Variants in C10orf90 observed in about 807,000 individuals in gnomAD.
The protein encoded by C10orf90 is chromosome 10 open reading frame 90, also known as (E2-independent) E3 ubiquitin-conjugating enzyme FATS.
C10orf90 carries 56 observed loss-of-function variants against 62.5 expected under a neutral mutation model. The observed-to-expected ratio is 0.90, with a 90% confidence interval of 0.72 to 1.12. The LOEUF (loss-of-function observed/expected upper bound fraction) is 1.12. C10orf90 is among the 50% of genes most tolerant of loss of function. The pLI is 0.00. For synonymous variants in C10orf90, 386 were observed against 340.4 expected (o/e 1.13, Z -1.47); for missense variants, 970 against 880.4 (o/e 1.10, Z -1.29).
At chr10:126,560,369 G>A (rs1419121753) in intron 2 of C10orf90, among the ~76,000 whole-genome samples, 2 of 152,116 alleles carry the variant, frequency 1.3e-5, no homozygotes, top group African/African-American at 4.8e-5. Flanking sequence ...CTGAAGGTTC[G>A]AGGCACGGTG....
chr10:126,599,505 A>G (rs1845154436), intron 2 of C10orf90, among the ~76,000 whole-genome samples: 1 of 151,864 alleles, frequency 6.6e-6, no homozygotes, highest in Non-Finnish European at 1.5e-5. Context: ...GATCAGCTCC[A>G]GGAGCCATTC....
intron 2 of C10orf90, among the ~76,000 whole-genome samples, chr10:126,565,392 A>G (rs1844353318): frequency 1.3e-5 from 1 of 76,648 alleles, no homozygotes; most frequent in African/African-American, 5.6e-5. Flanking sequence ...TATATTATAT[A>G]TATTATATTA....
intron 4 of C10orf90, among the ~76,000 whole-genome samples, chr10:126,481,602 G>C (rs1861163452): frequency 6.6e-6 from 1 of 152,192 alleles, no homozygotes; most frequent in African/African-American, 2.4e-5. Context: ...GTGTCAGGAG[G>C]TTGTTGGAAG....
chr10:126,644,514 G>A (rs529010418), intron 2 of C10orf90, among the ~76,000 whole-genome samples: 40 of 152,318 alleles, frequency 2.6e-4, no homozygotes, highest in Non-Finnish European at 4.9e-4. Flanking sequence ...GCCTTCAAGT[G>A]TTATTCCATA....
chr10:126,520,758 T>G (rs962780087), intron 2 of C10orf90: 1 of 152,630 alleles, frequency 6.6e-6, no homozygotes, highest in African/African-American at 2.4e-5. Context: ...GACCCTTCCT[T>G]GCCCTTCTCA....
At chr10:126,583,666 C>T (rs1844799047) in intron 2 of C10orf90, among the ~76,000 whole-genome samples, 2 of 152,172 alleles carry the variant, frequency 1.3e-5, no homozygotes, top group Admixed American at 1.3e-4. Flanking sequence ...GCTCTGCCCC[C>T]CACCTTGCCA....
chr10:126,527,008 T>C (rs977049770), intron 2 of C10orf90, among the ~76,000 whole-genome samples: 1 of 152,240 alleles, frequency 6.6e-6, no homozygotes, highest in East Asian at 1.9e-4. Flanking sequence ...GGGTTTATAA[T>C]ACTACTACTG....
At chr10:126,630,064 C>A (rs568479149) in intron 2 of C10orf90, among the ~76,000 whole-genome samples, 1 of 152,332 alleles carries the variant, frequency 6.6e-6, no homozygotes, top group East Asian at 1.9e-4. Context: ...ATAAAAATAG[C>A]GGCTGCCTGT....
At chr10:126,541,919 A>G (rs1300552039) in intron 2 of C10orf90, among the ~76,000 whole-genome samples, 2 of 152,238 alleles carry the variant, frequency 1.3e-5, no homozygotes, top group Non-Finnish European at 2.9e-5. Flanking sequence ...AGTGGAATCA[A>G]CCCAAATGTC....
chr10:126,625,797 C>T (rs1412486596), intron 2 of C10orf90, among the ~76,000 whole-genome samples: 6 of 152,146 alleles, frequency 3.9e-5, no homozygotes, highest in South Asian at 2.1e-4. Flanking sequence ...AGACCTTCCA[C>T]GAAATGTAGA....
At chr10:126,559,347 C>T (rs1312971546) in intron 2 of C10orf90, among the ~76,000 whole-genome samples, 1 of 152,194 alleles carries the variant, frequency 6.6e-6, no homozygotes, top group Non-Finnish European at 1.5e-5. Flanking sequence ...CTCCTTACAT[C>T]AGCGGGCCCC....
At chr10:126,641,528 G>C (rs1407050900) in intron 2 of C10orf90, among the ~76,000 whole-genome samples, 2 of 152,012 alleles carry the variant, frequency 1.3e-5, no homozygotes, top group Non-Finnish European at 2.9e-5. Context: ...AAAGTTCCAA[G>C]TGACCTTCAT....
intron 2 of C10orf90, among the ~76,000 whole-genome samples, chr10:126,556,892 G>T (rs962974067): frequency 1.3e-5 from 2 of 151,986 alleles, no homozygotes; most frequent in African/African-American, 4.8e-5. Context: ...AGCCTGAGAG[G>T]CAGGCAGTGC....
intron 5 of C10orf90, among the ~76,000 whole-genome samples, chr10:126,462,310 A>C (rs76586829): frequency 0.016 from 2,429 of 152,046 alleles, 72 homozygotes; most frequent in African/African-American, 0.056. Flanking sequence ...CCTTCCCCTC[A>C]ACACAGCACC....
intron 2 of C10orf90, among the ~76,000 whole-genome samples, chr10:126,595,867 G>A (rs1391349896): frequency 2.0e-5 from 3 of 151,992 alleles, no homozygotes; most frequent in African/African-American, 7.3e-5. Context: ...ACCTCTTCTT[G>A]GGTGTCTGTG....
At chr10:126,663,695 T>C (rs1286521674) in intron 1 of C10orf90, among the ~76,000 whole-genome samples, 1 of 152,166 alleles carries the variant, frequency 6.6e-6, no homozygotes, top group African/African-American at 2.4e-5. Flanking sequence ...CAGCTGGCTT[T>C]TTTGTGACTT....
intron 2 of C10orf90, among the ~76,000 whole-genome samples, chr10:126,560,920 C>T (rs1274681550): frequency 6.6e-6 from 1 of 152,210 alleles, no homozygotes. Flanking sequence ...AGAAAACATG[C>T]TTAGCTCAGA....
intron 7 of C10orf90, among the ~76,000 whole-genome samples, chr10:126,445,482 A>G (rs1193754292): frequency 6.6e-6 from 1 of 152,134 alleles, no homozygotes; most frequent in Non-Finnish European, 1.5e-5. Flanking sequence ...TTACTTCTGC[A>G]AGAATGGCCA....
At chr10:126,669,620 G>A (rs1846705053) in intron 1 of C10orf90, among the ~76,000 whole-genome samples, 1 of 151,832 alleles carries the variant, frequency 6.6e-6, no homozygotes, top group Non-Finnish European at 1.5e-5. Context: ...GCTGATACTA[G>A]TTGCAGAATA....
Sources: gnomAD v4.1 joint callset for allele counts (sites outside exome capture counted in the v4.1 genomes callset) on GRCh38, gnomAD v4.1.1 for gene constraint, MANE v1.5 for transcripts, NCBI Gene and HGNC (gene_info 2026-07-23, HGNC 2026-07-21) for gene names.